IARS1: variants seen among roughly 807,000 people sequenced by gnomAD.
IARS1 encodes the protein isoleucine--tRNA ligase, cytoplasmic.
Under a neutral mutation model 168.2 loss-of-function variants are expected in IARS1, and 124 were observed. The ratio of observed to expected loss-of-function variants is 0.74; its 90% CI spans 0.64 to 0.86. IARS1 has a LOEUF of 0.86. Ranked by LOEUF, IARS1 falls within the 40% of genes least tolerant of loss-of-function variation. IARS1 has a pLI of 0.00. For synonymous variants in IARS1, 532 were observed against 529.4 expected, an observed-to-expected ratio of 1.00 and a Z score of -0.07; for missense variants, 1,452 against 1,515.8, an observed-to-expected ratio of 0.96 and a Z score of 0.70.
rs541195345 is a variant in IARS1, at chr9:92,287,673, T to C, written c.396+118A>G. On this transcript the variant is annotated intron_variant, in intron 4 of 33. Coordinates refer to ENST00000443024, the MANE Select transcript of IARS1 (RefSeq NM_002161.6). ...AAGTAATAGGGTTGAAGGTGGAAGC[T>C]AACACTTTTTCTACAAAAAATAAAT... 3.7e-5 allele frequency: 42 copies of C among 1,147,680 alleles called. No individual in the cohort carries two copies. The African/African-American group carries it at 5.7e-4, about 15-fold the overall frequency. 71.1% of individuals were successfully genotyped at this position (1,147,680 alleles called of 1,614,324 possible). A position where few individuals can be genotyped will look rare whatever the true frequency, so the allele number is the denominator to read the frequency against.
chr9:92,215,923 G>A (rs1233477477), intron 33 of IARS1, among the ~76,000 whole-genome samples: 7 of 151,412 alleles, frequency 4.6e-5, no homozygotes, highest in Non-Finnish European at 7.4e-5. Context: ...TACAGAGAAC[G>A]CCACAAAGAT....
chr9:92,270,055 C>A (rs1419234826), intron 12 of IARS1, 72 bp from the exon 13 acceptor site: 2 of 892,126 alleles, frequency 2.2e-6, no homozygotes, highest in Non-Finnish European at 3.8e-6. Context: ...ACTGACTTTT[C>A]ATGTCTTATT....
chr9:92,233,105 T>C (rs1412471593), intron 30 of IARS1, among the ~76,000 whole-genome samples: 1 of 152,228 alleles, frequency 6.6e-6, no homozygotes, highest in African/African-American at 2.4e-5. Flanking sequence ...TTAGACTTAT[T>C]TGACTACGTT....
At chr9:92,270,700 G>A (rs563418224) in intron 12 of IARS1, among the ~76,000 whole-genome samples, 2 of 152,290 alleles carry the variant, frequency 1.3e-5, no homozygotes, top group African/African-American at 4.8e-5. Flanking sequence ...AGAAGCTGAG[G>A]TGGGAGGATT....
chr9:92,217,587 G>C (rs1445768972), intron 33 of IARS1, among the ~76,000 whole-genome samples: 2 of 150,560 alleles, frequency 1.3e-5, no homozygotes, highest in African/African-American at 2.4e-5. Context: ...AATGATAAAG[G>C]GGATATCACC....
intron 21 of IARS1, among the ~76,000 whole-genome samples, 174 bp downstream of exon 21, chr9:92,253,188 C>CT (rs1397313035): frequency 2.0e-5 from 3 of 152,078 alleles, no homozygotes; most frequent in Non-Finnish European, 2.9e-5. Flanking sequence ...TTATAGATCC[C>CT]TATCCCTCAA....
intron 19 of IARS1, 77 bp downstream of exon 19, chr9:92,258,777 A>C (rs1463066647): frequency 1.4e-6 from 2 of 1,420,572 alleles, no homozygotes; most frequent in African/African-American, 2.9e-5. Flanking sequence ...TCTCACACAG[A>C]GCTCCACCTC....
chr9:92,256,837 G>T, intron 19 of IARS1, 37 bp from the exon 20 acceptor site: 1 of 1,576,070 alleles, frequency 6.3e-7, no homozygotes, highest in South Asian at 1.2e-5. Context: ...TGGCACACTT[G>T]GGAAGAAAGT....
At chr9:92,271,105 TA>T in intron 11 of IARS1, 29 bp from the exon 12 acceptor site, 1 of 1,403,026 alleles carries the variant, frequency 7.1e-7, no homozygotes, top group Non-Finnish European at 1.0e-6. Flanking sequence ...ATTTAGCCAT[TA>T]AAACATACTA....
chr9:92,242,626 T>G (rs932100353), intron 28 of IARS1: 2 of 313,620 alleles, frequency 6.4e-6, no homozygotes, highest in African/African-American at 4.3e-5. Flanking sequence ...AGCTCTGAAC[T>G]GATTCAGAGG....
chr9:92,251,008 CA>C, intron 22 of IARS1, 174 bp from the exon 23 acceptor site: 9 of 670,628 alleles, frequency 1.3e-5, no homozygotes, highest in Non-Finnish European at 2.4e-5. Context: ...ATCCCTGAAG[CA>C]TAGCTGCAGG....
Position 92,222,585 on chromosome 9 carries a change from G to A in IARS1, c.3641C>T (p.Ala1214Val). Residue 1214 changes from alanine (A) to valine (V), a missense_variant, in exon 33 of 34, where the codon GCA (alanine) becomes GTA (valine). Physicochemically the swap from Ala to Val is moderately conservative, Grantham distance 64. Coordinates refer to ENST00000443024, the MANE Select transcript of IARS1 (RefSeq NM_002161.6). ...GLTHQGLLYE[A>V]AKVFGLRSRK... ...GCTCCGAAGGCCAAACACCTTGGCT[G>A]CTTCATACAGAAGACCTTGGTGGGT... 2 of 1,614,056 alleles carry A rather than the reference G, an allele frequency of 1.2e-6. No individual in the cohort carries two copies. The highest frequency in any genetic ancestry group is 8.5e-7 in the Non-Finnish European group (1 of 1,179,992).
chr9:92,285,719 T>C lies in IARS1; in HGVS notation c.597+3A>G. ...CTGAATAATGTCTCTACATTTCACG[T>C]ACCTTATAATTCTGGTGTGACTCGA... On this transcript the variant is annotated splice_donor_region_variant and intron_variant, in intron 6 of 33. Coordinates refer to ENST00000443024, the MANE Select transcript of IARS1 (RefSeq NM_002161.6). 1.9e-6 allele frequency: 3 copies of C among 1,556,698 alleles called. No homozygotes were observed. The highest frequency in any genetic ancestry group is 2.7e-6 in the Non-Finnish European group (3 of 1,127,666).
At chr9:92,262,509 G>C (rs1831669045) in intron 17 of IARS1, among the ~76,000 whole-genome samples, 1 of 152,106 alleles carries the variant, frequency 6.6e-6, no homozygotes, top group Admixed American at 6.6e-5. Context: ...CCCATTGGGA[G>C]GAAGTTTCAG....
intron 6 of IARS1, among the ~76,000 whole-genome samples, chr9:92,282,770 TA>T (rs1834812948): frequency 6.6e-6 from 1 of 151,100 alleles, no homozygotes; most frequent in Non-Finnish European, 1.5e-5. Context: ...ATCCCTTCTC[TA>T]AAAATAAATA....
chr9:92,234,731 A>G (rs1827226351), intron 30 of IARS1, among the ~76,000 whole-genome samples: 1 of 152,214 alleles, frequency 6.6e-6, no homozygotes, highest in South Asian at 2.1e-4. Context: ...GGAACCATGT[A>G]CTGTCTGAGA....
At chr9:92,235,981 CTTTT>C (rs920422763) in intron 30 of IARS1, among the ~76,000 whole-genome samples, 1 of 149,554 alleles carries the variant, frequency 6.7e-6, no homozygotes, top group East Asian at 2.0e-4. Context: ...TGTTTTCTAT[CTTTT>C]TTTTTTCTTT....
intron 17 of IARS1, among the ~76,000 whole-genome samples, chr9:92,262,625 C>T (rs1173211377): frequency 6.6e-6 from 1 of 151,944 alleles, no homozygotes; most frequent in Non-Finnish European, 1.5e-5. Flanking sequence ...CCCACAGCTT[C>T]CTCGTGTGTT....
chr9:92,214,952 C>A (rs1222936228), intron 33 of IARS1, among the ~76,000 whole-genome samples: 2 of 152,214 alleles, frequency 1.3e-5, no homozygotes, highest in Non-Finnish European at 2.9e-5. Context: ...CCTCTGTAGG[C>A]TCCACCTCTG....
Sources: allele counts gnomAD v4.1 joint callset (sites outside exome capture counted in the v4.1 genomes callset), GRCh38; gene constraint gnomAD v4.1.1; transcripts MANE v1.5; gene names NCBI Gene and HGNC (gene_info 2026-07-23, HGNC 2026-07-21).